The following TENM1 variants were observed in gnomAD, a reference collection of about 807,000 sequenced individuals.
TENM1 encodes the protein teneurin transmembrane protein 1, also known as teneurin-1.
TENM1 carries 35 observed loss-of-function variants against 174.8 expected under a neutral mutation model. The ratio of observed to expected loss-of-function variants is 0.20; its 90% confidence interval spans 0.15 to 0.27. TENM1 has a LOEUF of 0.27. Among genes scored for constraint, TENM1 ranks in the 10% least tolerant of loss-of-function variants. The probability of loss-of-function intolerance (pLI) is 1.00; values close to 1 mark genes in which losing one functional copy is unlikely to be tolerated. For missense variants in TENM1, 1,633 were observed against 2,130.1 expected (o/e 0.77, Z 4.59); for synonymous variants, 781 against 798.7 (o/e 0.98, Z 0.37).
At chrX:124,834,409 G>A (rs2056352174) in intron 3 of TENM1, among the ~76,000 whole-genome samples, 1 of 111,984 alleles carries the variant, frequency 8.9e-6, no homozygotes, top group Non-Finnish European at 1.9e-5. Context: ...TGAGCTCAAA[G>A]TGATCCACCT....
chrX:125,027,163 A>T, the TENM1 span, among the ~76,000 whole-genome samples: 1 of 112,428 alleles, frequency 8.9e-6, no homozygotes, highest in Non-Finnish European at 1.9e-5. Flanking sequence ...TACACAGAAA[A>T]ATCCAAGTGA....
chrX:124,444,658 A>T (rs1302731149), intron 23 of TENM1, among the ~76,000 whole-genome samples: 1 of 110,526 alleles, frequency 9.0e-6, no homozygotes, highest in African/African-American at 3.3e-5. Context: ...TTTTTTAAAC[A>T]ATCAATGGGC....
At chrX:125,053,316 A>T in the TENM1 span, among the ~76,000 whole-genome samples, 3 of 111,558 alleles carry the variant, frequency 2.7e-5, no homozygotes, top group Non-Finnish European at 5.6e-5. Flanking sequence ...GGTGTATTTG[A>T]ATCCCATCTC....
intron 4 of TENM1, among the ~76,000 whole-genome samples, chrX:124,720,994 G>C (rs975201688): frequency 8.9e-6 from 1 of 112,275 alleles, no homozygotes; most frequent in African/African-American, 3.2e-5. Flanking sequence ...TCTTTCAGTG[G>C]AGGAGCAAGA....
intron 14 of TENM1, among the ~76,000 whole-genome samples, chrX:124,558,136 T>C (rs1225739797): frequency 8.9e-6 from 1 of 112,141 alleles, no homozygotes; most frequent in Non-Finnish European, 1.9e-5. Flanking sequence ...CTCTGTTCTG[T>C]TTTTACTGTT....
chrX:124,468,398 G>A (rs2061263952), intron 22 of TENM1, among the ~76,000 whole-genome samples: 1 of 111,204 alleles, frequency 9.0e-6, no homozygotes. Flanking sequence ...GGCTGGTCTC[G>A]AACTCCTGAC....
At chrX:124,763,167 G>T (rs915127625) in intron 3 of TENM1, among the ~76,000 whole-genome samples, 1 of 110,888 alleles carries the variant, frequency 9.0e-6, no homozygotes, top group African/African-American at 3.3e-5. Context: ...AGTTGAAAAA[G>T]AGAGAACAGA....
At chrX:124,526,251 T>G (rs2047972989) in intron 16 of TENM1, among the ~76,000 whole-genome samples, 1 of 112,084 alleles carries the variant, frequency 8.9e-6, no homozygotes, top group Non-Finnish European at 1.9e-5. Flanking sequence ...TTAAGACCAC[T>G]GCATCTCTTT....
chrX:124,694,331 C>T lies in TENM1; in HGVS notation c.1015+10682G>A, dbSNP rs374485638. On this transcript the variant is annotated intron_variant, in intron 5 of 31. Coordinates refer to ENST00000422452, the Ensembl canonical transcript of TENM1. ...GGCCCTAGCTCTCATGTCTTCTTTTCCATTTAGCCTCTATCTGACTCTCAG... is the reference window on the plus strand; with the variant it reads ...GGCCCTAGCTCTCATGTCTTCTTTTTCATTTAGCCTCTATCTGACTCTCAG... Among the ~76,000 whole-genome samples the T allele has an allele frequency of 1.4e-4, 16 of 111,849 alleles. No homozygotes were observed. In the East Asian group the frequency reaches 2.0e-3, roughly 14 times the overall value.
At chrX:124,566,965 C>A (rs2048955733) in intron 11 of TENM1, among the ~76,000 whole-genome samples, 1 of 111,494 alleles carries the variant, frequency 9.0e-6, no homozygotes, top group Non-Finnish European at 1.9e-5. Context: ...AGCTGTTGGA[C>A]AGATTTGAAA....
chrX:124,816,245 A>T (rs2055892307), intron 3 of TENM1, among the ~76,000 whole-genome samples: 1 of 111,715 alleles, frequency 9.0e-6, no homozygotes. Context: ...CACAAAATAA[A>T]CTTTTCTCAG....
chrX:125,183,037 TTCTTA>T, the TENM1 span, among the ~76,000 whole-genome samples: 1 of 112,113 alleles, frequency 8.9e-6, no homozygotes, highest in Non-Finnish European at 1.9e-5. Context: ...AATGAATTCT[TTCTTA>T]TATCTCATTT....
chrX:124,741,391 A>G (rs1198393144), intron 3 of TENM1, among the ~76,000 whole-genome samples: 1 of 111,917 alleles, frequency 8.9e-6, no homozygotes, highest in Non-Finnish European at 1.9e-5. Flanking sequence ...CTTACATTTC[A>G]TTAACATATA....
At chrX:124,420,857 C>G (rs2060644195) in intron 24 of TENM1, 36 bp from the exon 28 acceptor site, 1 of 1,168,571 alleles carries the variant, frequency 8.6e-7, no homozygotes, top group Non-Finnish European at 1.2e-6. Context: ...CAATTGGCAT[C>G]ATAAGCATTT....
intron 15 of TENM1, among the ~76,000 whole-genome samples, chrX:124,540,861 C>T (rs1233551799): frequency 1.3e-4 from 15 of 111,646 alleles, no homozygotes; most frequent in Non-Finnish European, 2.4e-4. Flanking sequence ...CAGTTAGCAG[C>T]AGTCTTCCTG....
the TENM1 span, among the ~76,000 whole-genome samples, chrX:125,023,469 C>A: frequency 3.0e-3 from 337 of 111,216 alleles, no homozygotes; most frequent in Middle Eastern, 9.2e-3. Context: ...TAGCCAAGAT[C>A]TTATGGCTCT....
intron 22 of TENM1, among the ~76,000 whole-genome samples, chrX:124,475,834 C>T (rs147566378): frequency 8.0e-4 from 89 of 111,391 alleles, no homozygotes; most frequent in African/African-American, 2.8e-3. Context: ...AAAACGCATG[C>T]ACAAGGTGGG....
chrX:125,071,316 TA>T, the TENM1 span, among the ~76,000 whole-genome samples: 2 of 112,004 alleles, frequency 1.8e-5, no homozygotes, highest in Admixed American at 9.5e-5. Flanking sequence ...AGCAAGCCTT[TA>T]TGTTGAATTT....
At chrX:124,888,480 C>G in intron 3 of TENM1, among the ~76,000 whole-genome samples, 1 of 111,839 alleles carries the variant, frequency 8.9e-6, no homozygotes, top group Non-Finnish European at 1.9e-5. Context: ...GGAACTTCCT[C>G]TCACAGTCTT....
Sources: allele counts gnomAD v4.1 joint callset (sites outside exome capture counted in the v4.1 genomes callset), GRCh38; gene constraint gnomAD v4.1.1; transcripts MANE v1.5; gene names NCBI Gene and HGNC (gene_info 2026-07-23, HGNC 2026-07-21).